RBFOX1: variants seen among roughly 807,000 people sequenced by gnomAD.
RBFOX1 encodes RNA binding fox-1 homolog 1, also known as RNA binding protein fox-1 homolog 1.
RBFOX1 carries 8 observed loss-of-function variants against 57.7 expected under a neutral mutation model. The observed-to-expected ratio is 0.14, with a 90% CI of 0.08 to 0.25. RBFOX1 has a LOEUF of 0.25. RBFOX1 is among the 10% of genes least tolerant of loss of function. The pLI is 1.00. For missense variants in RBFOX1, 611 were observed against 548.5 expected (o/e 1.11, Z -1.14); for synonymous variants, 326 against 222.4 (o/e 1.47, Z -4.15).
At chr16:6,186,658 G>T (rs1417701422) in intron 1 of RBFOX1, among the ~76,000 whole-genome samples, 2 of 152,164 alleles carry the variant, frequency 1.3e-5, no homozygotes, top group Non-Finnish European at 2.9e-5. Flanking sequence ...ATGGGTTAGT[G>T]TGAGGAAAGA....
intron 13 of RBFOX1, chr16:7,671,625 A>T: frequency 2.5e-6 from 4 of 1,596,626 alleles, no homozygotes; most frequent in Non-Finnish European, 3.4e-6. Context: ...TGGTGGAGAA[A>T]CTCATCACTA....
At chr16:6,944,009 A>T (rs1183567861) in intron 3 of RBFOX1, among the ~76,000 whole-genome samples, 1 of 151,972 alleles carries the variant, frequency 6.6e-6, no homozygotes, top group Non-Finnish European at 1.5e-5. Flanking sequence ...AAACTCCTTT[A>T]AGTTTAATTT....
At chr16:6,886,598 G>C (rs28507390) in intron 3 of RBFOX1, among the ~76,000 whole-genome samples, 118,669 of 151,704 alleles carry the variant, frequency 0.78, 47,215 homozygotes, top group African/African-American at 0.92. Flanking sequence ...ACTAAAAATA[G>C]AAAAAAATTA....
At chr16:7,124,202 G>T (rs1389530148) in intron 4 of RBFOX1, among the ~76,000 whole-genome samples, 1 of 152,164 alleles carries the variant, frequency 6.6e-6, no homozygotes, top group Non-Finnish European at 1.5e-5. Flanking sequence ...GGGAGGCCAA[G>T]GCAGGAGGAC....
At chr16:7,114,291 C>G (rs2065414190) in intron 4 of RBFOX1, among the ~76,000 whole-genome samples, 1 of 152,102 alleles carries the variant, frequency 6.6e-6, no homozygotes, top group Non-Finnish European at 1.5e-5. Flanking sequence ...ATTTTATATT[C>G]AAACTGCAAT....
intron 4 of RBFOX1, among the ~76,000 whole-genome samples, chr16:7,091,066 A>C (rs2060765313): frequency 6.6e-6 from 1 of 152,168 alleles, no homozygotes; most frequent in South Asian, 2.1e-4. Context: ...TCTTGGACCA[A>C]ATGGTCCCCG....
chr16:7,013,127 T>G (rs543203372), intron 3 of RBFOX1, among the ~76,000 whole-genome samples: 17 of 152,180 alleles, frequency 1.1e-4, no homozygotes, highest in Non-Finnish European at 2.1e-4. Flanking sequence ...GTCTTTAGAC[T>G]GAGGGTTAGG....
intron 2 of RBFOX1, among the ~76,000 whole-genome samples, chr16:6,347,655 C>T (rs539093581): frequency 1.3e-5 from 2 of 152,146 alleles, no homozygotes; most frequent in East Asian, 1.9e-4. Flanking sequence ...CAAGGAGAAA[C>T]AAAATGTCCC....
chr16:6,274,965 C>A (rs1381257832), intron 1 of RBFOX1, among the ~76,000 whole-genome samples: 1 of 151,954 alleles, frequency 6.6e-6, no homozygotes, highest in African/African-American at 2.4e-5. Context: ...ACACTGATAC[C>A]GTGTGCTGTG....
chr16:7,481,719 G>C (rs1009318399), intron 4 of RBFOX1, among the ~76,000 whole-genome samples: 15 of 151,998 alleles, frequency 9.9e-5, no homozygotes, highest in African/African-American at 3.4e-4. Context: ...ACTTAGGATG[G>C]GATCATACTG....
At chr16:6,741,668 C>CA (rs200438730) in intron 3 of RBFOX1, among the ~76,000 whole-genome samples, 4,482 of 85,496 alleles carry the variant, frequency 0.052, 77 homozygotes, top group Middle Eastern at 0.087. Context: ...GACTCAGTCT[C>CA]AAAAAAAAAA....
At chr16:7,503,549 G>C (rs1165848421) in intron 4 of RBFOX1, among the ~76,000 whole-genome samples, 1 of 152,166 alleles carries the variant, frequency 6.6e-6, no homozygotes, top group Non-Finnish European at 1.5e-5. Context: ...AATGGCACAA[G>C]TCATCTAAAT....
chr16:6,117,607 A>C (rs2096510472), intron 1 of RBFOX1, among the ~76,000 whole-genome samples: 1 of 152,256 alleles, frequency 6.6e-6, no homozygotes. Flanking sequence ...GTGAAGACAC[A>C]GCATTCCTCT....
chr16:6,989,176 C>G (rs1047678978), intron 3 of RBFOX1, among the ~76,000 whole-genome samples: 3 of 152,122 alleles, frequency 2.0e-5, no homozygotes, highest in Non-Finnish European at 4.4e-5. Context: ...GATTTCAGGC[C>G]TGAGCCACTG....
chr16:5,661,797 T>A (rs1393617224), intron 3 of RBFOX1, among the ~76,000 whole-genome samples: 1 of 152,080 alleles, frequency 6.6e-6, no homozygotes, highest in East Asian at 1.9e-4. Context: ...CTTTTTTTAT[T>A]TTTTTTGAGA....
At chr16:5,452,755 C>T (rs1248115523) in intron 1 of RBFOX1, among the ~76,000 whole-genome samples, 10 of 152,046 alleles carry the variant, frequency 6.6e-5, no homozygotes, top group South Asian at 2.1e-4. Flanking sequence ...GCCATTCTCC[C>T]GCCTCAGCCT....
rs139852761 is a variant in RBFOX1 at position 6,373,619 on chromosome 16, C to G, written c.-64+56562C>G. 8.5e-3 allele frequency among the ~76,000 whole-genome samples: 1,291 copies of G among 151,976 alleles called. 19 individuals are homozygous for G. The highest frequency in any genetic ancestry group is 0.03 in the African/African-American group (1,224 of 41,440). ...CGGATGAGAGGATGGTTGGCAAAAT[C>G]TTTGAGTAGGAGGATGATTGGGTGG... is the stretch of plus-strand genomic sequence containing the variant. On this transcript the variant is annotated intron_variant, in intron 2 of 15. Coordinates refer to ENST00000550418, the MANE Select transcript of RBFOX1 (RefSeq NM_018723.4).
intron 4 of RBFOX1, among the ~76,000 whole-genome samples, chr16:7,235,355 A>G (rs1035028308): frequency 6.6e-6 from 1 of 152,170 alleles, no homozygotes; most frequent in African/African-American, 2.4e-5. Flanking sequence ...CTTGGCTTAG[A>G]ACAGGGTATG....
chr16:5,392,134 A>G (rs1270404436), intron 1 of RBFOX1, among the ~76,000 whole-genome samples: 1 of 152,044 alleles, frequency 6.6e-6, no homozygotes, highest in African/African-American at 2.4e-5. Flanking sequence ...CTCAGGGGGA[A>G]AGGATGGGAG....
Sources: allele counts gnomAD v4.1 joint callset (sites outside exome capture counted in the v4.1 genomes callset), GRCh38; gene constraint gnomAD v4.1.1; transcripts MANE v1.5; gene names NCBI Gene and HGNC (gene_info 2026-07-23, HGNC 2026-07-21).